ELAPOR2: variants seen among roughly 807,000 people sequenced by gnomAD.
ELAPOR2 encodes endosome-lysosome associated apoptosis and autophagy regulator family member 2.
Under a neutral mutation model 120.7 loss-of-function variants are expected in ELAPOR2, and 89 were observed. The ratio of observed to expected loss-of-function variants is 0.74; its 90% CI spans 0.62 to 0.88. The LOEUF is 0.88. Among genes scored for constraint, ELAPOR2 ranks in the 40% least tolerant of loss-of-function variants. The pLI, the probability that ELAPOR2 is intolerant of heterozygous loss-of-function variation, is 0.00. For missense variants in ELAPOR2, 1,134 were observed against 1,251.6 expected, an observed-to-expected ratio of 0.91 and a Z score of 1.42; for synonymous variants, 444 against 444.9, an observed-to-expected ratio of 1.00 and a Z score of 0.03.
At chr7:87,012,906 C>A (rs1793737436) in intron 1 of ELAPOR2, among the ~76,000 whole-genome samples, 4 of 152,100 alleles carry the variant, frequency 2.6e-5, no homozygotes, top group Admixed American at 2.0e-4. Flanking sequence ...AATTTAATGA[C>A]TAGAAAATCC....
chr7:86,882,037 C>T (rs1448394687), intron 21 of ELAPOR2, among the ~76,000 whole-genome samples: 3 of 152,184 alleles, frequency 2.0e-5, no homozygotes, highest in South Asian at 4.1e-4. Flanking sequence ...TACACACAAA[C>T]ATATCAGTTT....
At chr7:87,016,650 G>A (rs1016336626) in intron 1 of ELAPOR2, among the ~76,000 whole-genome samples, 11 of 146,884 alleles carry the variant, frequency 7.5e-5, no homozygotes, top group African/African-American at 2.3e-4. Context: ...GTAACTATAC[G>A]GAGTATAGTA....
At chr7:86,956,021 A>G (rs1169442380) in intron 2 of ELAPOR2, among the ~76,000 whole-genome samples, 4 of 152,118 alleles carry the variant, frequency 2.6e-5, no homozygotes, top group Non-Finnish European at 5.9e-5. Flanking sequence ...GGGAAAAAAA[A>G]AGAACTCTGC....
chr7:86,900,292 C>T (rs1019943418), intron 18 of ELAPOR2, among the ~76,000 whole-genome samples: 1 of 152,202 alleles, frequency 6.6e-6, no homozygotes, highest in Non-Finnish European at 1.5e-5. Context: ...ATCTGGGTTA[C>T]AATTCTAACT....
chr7:87,029,193 C>T (rs1294619124), intron 1 of ELAPOR2, among the ~76,000 whole-genome samples: 1 of 152,130 alleles, frequency 6.6e-6, no homozygotes, highest in Admixed American at 6.5e-5. Flanking sequence ...TTTTTGTTCT[C>T]TGATGTGTTC....
Position 86,912,943 on chromosome 7 carries a change from G to A in ELAPOR2, c.1993C>T (p.Gln665Ter), listed in dbSNP as rs1465319136. Reference protein sequence around the residue: ...IPCGPGSKNNQDHSVCYSDCF... With the variant: ...IPCGPGSKNN ...ACCTGAAATGCAGACCCACTTACCT[G>A]ATTGTTTTTACTCCCAGGCCCGCAT... Residue 665 changes from glutamine (Q) to a stop codon, truncating the protein, a stop_gained and splice_region_variant, in exon 14 of 22, where the codon CAG (glutamine) becomes TAG (stop). Transcript: ENST00000450689. LOFTEE classifies it high-confidence loss of function. 1 of 1,613,774 alleles carries A rather than the reference G, an allele frequency of 6.2e-7. No homozygotes were observed. Among genetic ancestry groups the A allele is most frequent in the Non-Finnish European group, 8.5e-7 (1 of 1,179,758 alleles).
At chr7:86,912,453 A>G (rs1299309670) in intron 14 of ELAPOR2, among the ~76,000 whole-genome samples, 2 of 151,054 alleles carry the variant, frequency 1.3e-5, no homozygotes, top group Non-Finnish European at 2.9e-5. Flanking sequence ...TTTTAAAGAC[A>G]GAGTAAAGTT....
chr7:87,000,246 T>G (rs1635008), intron 1 of ELAPOR2, among the ~76,000 whole-genome samples: 57,218 of 151,688 alleles, frequency 0.38, 11,585 homozygotes, highest in African/African-American at 0.53. Flanking sequence ...GGCAAAAGTG[T>G]CACATCCAAG....
chr7:87,012,083 T>C (rs1038577314), intron 1 of ELAPOR2, among the ~76,000 whole-genome samples: 1 of 152,208 alleles, frequency 6.6e-6, no homozygotes. Flanking sequence ...TTTACACATA[T>C]AGCACACTTC....
rs774367874 is a variant in ELAPOR2, at chr7:86,914,774, A to G, written c.1680T>C (p.Asn560=). 1.2e-6 allele frequency: 2 copies of G among 1,612,526 alleles called. No homozygotes were observed. The highest frequency in any genetic ancestry group is 8.5e-7 in the Non-Finnish European group (1 of 1,179,152). Residue 560 remains asparagine (N), a synonymous_variant, in exon 13 of 22, where the codon AAT becomes AAC. Coordinates refer to ENST00000450689, the MANE Select transcript of ELAPOR2 (RefSeq NM_001142749.3). ...KQAYTHIIFK[N]ATFTFTWAFQ... ...ATGCCCATGTAAATGTAAAAGTTGCATTCTTGAAGATGATATGGGTGTAAG... is the reference window on the plus strand; with the variant it reads ...ATGCCCATGTAAATGTAAAAGTTGCGTTCTTGAAGATGATATGGGTGTAAG...
chr7:86,934,935 T>C (rs1307651147), intron 8 of ELAPOR2, among the ~76,000 whole-genome samples: 2 of 152,014 alleles, frequency 1.3e-5, no homozygotes. Context: ...TCACATTTTG[T>C]GAATTTTACT....
At chr7:87,022,655 C>A (rs1016682427) in intron 1 of ELAPOR2, among the ~76,000 whole-genome samples, 2 of 152,038 alleles carry the variant, frequency 1.3e-5, no homozygotes, top group African/African-American at 4.8e-5. Flanking sequence ...AATCGCCACA[C>A]TGACTTCCAC....
intron 1 of ELAPOR2, among the ~76,000 whole-genome samples, chr7:86,985,383 C>T (rs190740366): frequency 1.3e-5 from 2 of 152,180 alleles, no homozygotes; most frequent in African/African-American, 4.8e-5. Flanking sequence ...GGCAGAGACA[C>T]AACAAAAAGA....
chr7:86,987,024 C>G (rs1206156597), intron 1 of ELAPOR2, among the ~76,000 whole-genome samples: 2 of 150,708 alleles, frequency 1.3e-5, no homozygotes, highest in Non-Finnish European at 3.0e-5. Context: ...TAGAACAGAA[C>G]CCTCAGAAAT....
At chr7:86,902,838 A>T (rs1325741418) in intron 18 of ELAPOR2, among the ~76,000 whole-genome samples, 1 of 152,106 alleles carries the variant, frequency 6.6e-6, no homozygotes, top group Admixed American at 6.6e-5. Flanking sequence ...CTTTTCGCCC[A>T]ATAAATTCCA....
At chr7:87,049,977 C>T (rs1245721271) in intron 1 of ELAPOR2, among the ~76,000 whole-genome samples, 2 of 152,186 alleles carry the variant, frequency 1.3e-5, no homozygotes, top group African/African-American at 4.8e-5. Context: ...CTCCCTCTTG[C>T]ACTTGTTCTC....
intron 1 of ELAPOR2, among the ~76,000 whole-genome samples, chr7:87,043,759 G>C (rs1287552004): frequency 6.6e-6 from 1 of 151,494 alleles, no homozygotes; most frequent in Non-Finnish European, 1.5e-5. Flanking sequence ...GTTCTGGCCA[G>C]GGCAATCAGG....
chr7:86,907,706 G>A lies in ELAPOR2; in HGVS notation c.2522C>T (p.Pro841Leu). ...AATCACTCCTGCTCCAGATTTAGTA[G>A]GATTACACCTCATTTTCACAGCAGT... Reference protein sequence around the residue: ...RSTAVKMRCNPTKSGAGVISV... With the variant: ...RSTAVKMRCNLTKSGAGVISV... The change falls in exon 18 of 22, where the codon CCT becomes CTT. Residue 841 changes from proline to leucine, a missense_variant. Coordinates refer to ENST00000450689, the MANE Select transcript of ELAPOR2 (RefSeq NM_001142749.3). The A allele has an allele frequency of 6.3e-7, 1 of 1,580,918 alleles. No individual in the cohort carries two copies. The highest frequency in any genetic ancestry group is 1.2e-5 in the South Asian group (1 of 84,356).
chr7:87,038,589 T>C (rs1378834008), intron 1 of ELAPOR2, among the ~76,000 whole-genome samples: 6 of 152,162 alleles, frequency 3.9e-5, no homozygotes, highest in African/African-American at 1.4e-4. Flanking sequence ...ATCAAGCAGC[T>C]TCTCTGGCCA....
Sources: allele counts gnomAD v4.1 joint callset (sites outside exome capture counted in the v4.1 genomes callset), GRCh38; gene constraint gnomAD v4.1.1; transcripts MANE v1.5; gene names NCBI Gene and HGNC (gene_info 2026-07-23, HGNC 2026-07-21).